The following CFAP299 variants were observed in gnomAD, a reference collection of about 807,000 sequenced individuals.
CFAP299 encodes the protein cilia- and flagella-associated protein 299.
In CFAP299, 21 loss-of-function variants were observed where a neutral mutation model predicts 27.0. The ratio of observed to expected loss-of-function variants is 0.78; its 90% CI spans 0.55 to 1.12. The LOEUF is 1.12. Ranked by LOEUF, CFAP299 falls within the 50% of genes most tolerant of loss-of-function variation. CFAP299 has a pLI of 0.00. For missense variants in CFAP299, 310 were observed against 276.6 expected (o/e 1.12, Z -0.86); for synonymous variants, 104 against 98.1 (o/e 1.06, Z -0.36).
chr4:80,349,165 A>T (rs926325758), intron 1 of CFAP299, among the ~76,000 whole-genome samples: 10 of 152,216 alleles, frequency 6.6e-5, no homozygotes, highest in African/African-American at 2.2e-4. Flanking sequence ...CACAGAGCTA[A>T]CCATGCACTT....
At chr4:80,719,129 T>A (rs1722668023) in intron 3 of CFAP299, among the ~76,000 whole-genome samples, 1 of 151,924 alleles carries the variant, frequency 6.6e-6, no homozygotes, top group Admixed American at 6.6e-5. Context: ...CAACAGACAT[T>A]GGGACCCACT....
intron 3 of CFAP299, among the ~76,000 whole-genome samples, chr4:80,701,617 A>C (rs1721486138): frequency 6.6e-6 from 1 of 151,950 alleles, no homozygotes; most frequent in Non-Finnish European, 1.5e-5. Context: ...TTTTTCCCAC[A>C]AAAGTTTGAG....
chr4:80,377,053 C>T (rs573364438), intron 2 of CFAP299, among the ~76,000 whole-genome samples: 1 of 152,226 alleles, frequency 6.6e-6, no homozygotes, highest in South Asian at 2.1e-4. Context: ...ATTTTTTCAA[C>T]ATCTGTACCT....
intron 5 of CFAP299, among the ~76,000 whole-genome samples, chr4:80,950,259 C>A (rs958863340): frequency 4.6e-5 from 7 of 151,730 alleles, no homozygotes; most frequent in African/African-American, 1.5e-4. Context: ...CTCCACCCCC[C>A]CCCTTTCTCA....
At chr4:80,644,091 A>C (rs954604148) in intron 3 of CFAP299, among the ~76,000 whole-genome samples, 1 of 152,172 alleles carries the variant, frequency 6.6e-6, no homozygotes, top group East Asian at 1.9e-4. Context: ...ATTTAAGTTC[A>C]ATCTATATAT....
chr4:80,665,548 G>A (rs1741105104), intron 3 of CFAP299, among the ~76,000 whole-genome samples: 1 of 151,830 alleles, frequency 6.6e-6, no homozygotes, highest in South Asian at 2.1e-4. Flanking sequence ...TCATTCTCTA[G>A]ATGTGTCTTA....
At chr4:80,653,810 T>C (rs529369144) in intron 3 of CFAP299, among the ~76,000 whole-genome samples, 2 of 152,320 alleles carry the variant, frequency 1.3e-5, no homozygotes, top group Non-Finnish European at 2.9e-5. Context: ...TGAAAAAATT[T>C]TCATAGTCTT....
chr4:80,876,395 CT>C (rs1368641587), intron 4 of CFAP299, among the ~76,000 whole-genome samples: 2 of 152,044 alleles, frequency 1.3e-5, no homozygotes, highest in Non-Finnish European at 2.9e-5. Flanking sequence ...TTATAAGCAA[CT>C]GGCATTTCCC....
At chr4:80,633,640 A>C (rs1472801610) in intron 3 of CFAP299, among the ~76,000 whole-genome samples, 1 of 152,158 alleles carries the variant, frequency 6.6e-6, no homozygotes, top group East Asian at 1.9e-4. Context: ...GATATGGCAA[A>C]ATACTGCCAG....
intron 3 of CFAP299, among the ~76,000 whole-genome samples, chr4:80,618,508 T>A (rs904691327): frequency 4.6e-5 from 7 of 151,844 alleles, no homozygotes; most frequent in African/African-American, 1.7e-4. Flanking sequence ...CTCTACTGTA[T>A]TAGGAAAAAA....
chr4:80,387,929 G>A (rs994846399), intron 2 of CFAP299: 1 of 839,676 alleles, frequency 1.2e-6, no homozygotes, highest in Non-Finnish European at 2.0e-6. Context: ...GGGCAGCAGG[G>A]TTTGGTCCTT....
chr4:80,387,210 G>C, intron 2 of CFAP299: 1 of 1,404,262 alleles, frequency 7.1e-7, no homozygotes, highest in Non-Finnish European at 1.0e-6. Context: ...TGCACGCTCA[G>C]GTCGTACATC....
At chr4:80,499,209 C>T (rs981713131) in intron 2 of CFAP299, among the ~76,000 whole-genome samples, 6 of 152,050 alleles carry the variant, frequency 3.9e-5, no homozygotes, top group African/African-American at 1.2e-4. Context: ...ACCCATATAA[C>T]ACATCTGTGC....
Position 80,583,166 on chromosome 4 carries a change from C to A in CFAP299, c.316C>A (p.Arg106Ser). Residue 106 changes from arginine to serine, a missense_variant, in exon 3 of 6, where the codon CGC becomes AGC. Transcript: ENST00000358105. ...CCTGGCAATGAGAGAAGAAGACAAT[C>A]GCAGTGGAAAACTGAGTGTAAGTAC... ...TALAMREEDNRSGKLSSVIFI... is the reference protein window; with the variant it reads ...TALAMREEDNSSGKLSSVIFI... The A allele has an allele frequency of 1.9e-6, 3 of 1,603,568 alleles. No individual in the cohort carries two copies. Among genetic ancestry groups the A allele is most frequent in the Middle Eastern group, 3.3e-4 (2 of 6,016 alleles).
At chr4:80,636,836 A>C (rs918190471) in intron 3 of CFAP299, among the ~76,000 whole-genome samples, 3 of 152,216 alleles carry the variant, frequency 2.0e-5, no homozygotes, top group Admixed American at 6.5e-5. Context: ...TGTATGGCCA[A>C]CAAAACCTAA....
chr4:80,515,961 A>T (rs1055615625), intron 2 of CFAP299, among the ~76,000 whole-genome samples: 5 of 151,872 alleles, frequency 3.3e-5, no homozygotes, highest in African/African-American at 1.2e-4. Context: ...ATATGCATTA[A>T]TTTAGCGGAC....
At chr4:80,465,922 A>T (rs528773441) in intron 2 of CFAP299, among the ~76,000 whole-genome samples, 2 of 152,320 alleles carry the variant, frequency 1.3e-5, no homozygotes, top group African/African-American at 4.8e-5. Flanking sequence ...AACATTCACA[A>T]CCCTGAGGAT....
intron 3 of CFAP299, among the ~76,000 whole-genome samples, chr4:80,637,927 C>T (rs1469473112): frequency 6.6e-6 from 1 of 152,064 alleles, no homozygotes; most frequent in Non-Finnish European, 1.5e-5. Flanking sequence ...GTTGACTATC[C>T]TAAAATATTT....
chr4:80,884,080 G>A (rs57186585), intron 4 of CFAP299, among the ~76,000 whole-genome samples: 5,592 of 152,064 alleles, frequency 0.037, 247 homozygotes, highest in African/African-American at 0.11. Context: ...ATGTGGTCTC[G>A]TCATTTAGCT....
Sources: gnomAD v4.1 joint callset for allele counts (sites outside exome capture counted in the v4.1 genomes callset) on GRCh38, gnomAD v4.1.1 for gene constraint, MANE v1.5 for transcripts, NCBI Gene and HGNC (gene_info 2026-07-23, HGNC 2026-07-21) for gene names.